NIPAL2: variants seen among roughly 807,000 people sequenced by gnomAD.
NIPAL2 encodes NIPA like domain containing 2, also known as NIPA-like protein 2.
A neutral mutation model predicts 48.9 loss-of-function variants in NIPAL2; 43 were observed. The ratio of observed to expected loss-of-function variants is 0.88; its 90% CI spans 0.69 to 1.13. The LOEUF (loss-of-function observed/expected upper bound fraction) is 1.13, where lower values mean the gene tolerates loss of function less well. Ranked by LOEUF, NIPAL2 falls within the 50% of genes most tolerant of loss-of-function variation. NIPAL2 has a pLI of 0.00. For synonymous variants in NIPAL2, 167 were observed against 174.6 expected (o/e 0.96, Z 0.34); for missense variants, 446 against 461.4 (o/e 0.97, Z 0.31).
At chr8:98,275,446 T>C (rs1175746707) in intron 1 of NIPAL2, among the ~76,000 whole-genome samples, 2 of 152,194 alleles carry the variant, frequency 1.3e-5, no homozygotes, top group African/African-American at 2.4e-5. Flanking sequence ...TTCCTTCTCA[T>C]TGCTGAGTAG....
chr8:98,247,491 A>G (rs575206014), intron 3 of NIPAL2, among the ~76,000 whole-genome samples: 2 of 152,282 alleles, frequency 1.3e-5, no homozygotes, highest in East Asian at 3.9e-4. Context: ...AAGTTTTGCA[A>G]TGCAGAGAGT....
chr8:98,280,736 CTA>C (rs71572005), intron 1 of NIPAL2, among the ~76,000 whole-genome samples: 667 of 39,010 alleles, frequency 0.017, 44 homozygotes, highest in African/African-American at 0.051. Flanking sequence ...TAGTCCATTA[CTA>C]TATATATATA....
At position 98,244,353 on chromosome 8, in the gene NIPAL2, CGTGGTGATGAGGGGTAGTCTGT is replaced by C. The variant is rs1813163750; in HGVS notation, c.376+8088_376+8109del. On this transcript the variant is annotated intron_variant, in intron 3 of 10. Coordinates refer to ENST00000430223, the MANE Select transcript of NIPAL2 (RefSeq NM_001321635.2). ...TAGTCTGTAATGATGAGAGGGTGGG[CGTGGTGATGAGGGGTAGTCTGT>C]AATGATGAGAGGGTGGGCGTGGTGA... 4.3e-4 allele frequency among the ~76,000 whole-genome samples: 10 copies of C among 23,388 alleles called. 1 individual carries two copies. The highest frequency in any genetic ancestry group is 1.6e-3 in the African/African-American group (10 of 6,190). 15.3% of individuals were successfully genotyped at this position (23,388 alleles called of 152,430 possible).
chr8:98,258,781 T>C (rs999275237), intron 1 of NIPAL2, among the ~76,000 whole-genome samples: 29 of 580 alleles, frequency 0.05, no homozygotes, highest in Non-Finnish European at 0.1. Flanking sequence ...CCACTTCCCT[T>C]TTTTTTTTGT....
At chr8:98,217,593 T>A (rs1330622046) in intron 5 of NIPAL2, among the ~76,000 whole-genome samples, 1 of 152,192 alleles carries the variant, frequency 6.6e-6, no homozygotes, top group Non-Finnish European at 1.5e-5. Flanking sequence ...GTTTAACAGA[T>A]TCAAACCAAA....
intron 8 of NIPAL2, among the ~76,000 whole-genome samples, chr8:98,202,488 G>T (rs1015504452): frequency 6.6e-6 from 1 of 152,140 alleles, no homozygotes; most frequent in Admixed American, 6.5e-5. Context: ...GATCCTTCAC[G>T]AATGGTTTGG....
chr8:98,278,541 A>T (rs561134887), intron 1 of NIPAL2, among the ~76,000 whole-genome samples: 1 of 152,068 alleles, frequency 6.6e-6, no homozygotes, highest in Non-Finnish European at 1.5e-5. Flanking sequence ...CTTCCAGTTT[A>T]CCTTTCCTGA....
chr8:98,203,846 C>CTGTGTGTGTGTGTGTG lies in NIPAL2; in HGVS notation c.792-666_792-651dup, dbSNP rs143170810. Among the ~76,000 whole-genome samples, 1,220 of 146,788 alleles carry CTGTGTGTGTGTGTGTG rather than the reference C, an allele frequency of 8.3e-3. 21 individuals are homozygous for CTGTGTGTGTGTGTGTG. The highest frequency in any genetic ancestry group is 0.029 in the African/African-American group (1,152 of 39,732). On this transcript the variant is annotated intron_variant, in intron 7 of 10. Transcript: ENST00000430223. ...GAAAAAAGTACTTTGTGGGTAGAGC[C>CTGTGTGTGTGTGTGTG]TGTGTGTGTGTGTGTGTGTGTGTGT...
chr8:98,229,525 A>C (rs1394596112), intron 4 of NIPAL2, among the ~76,000 whole-genome samples: 1 of 152,160 alleles, frequency 6.6e-6, no homozygotes, highest in Non-Finnish European at 1.5e-5. Flanking sequence ...GGCATGTGCC[A>C]CCATGACTGG....
intron 1 of NIPAL2, among the ~76,000 whole-genome samples, chr8:98,267,742 A>T (rs1814857592): frequency 6.6e-6 from 1 of 152,114 alleles, no homozygotes; most frequent in African/African-American, 2.4e-5. Context: ...CCATTTCCCC[A>T]TAAGCTTATG....
At chr8:98,215,804 G>C (rs540696523) in intron 5 of NIPAL2, among the ~76,000 whole-genome samples, 1 of 152,006 alleles carries the variant, frequency 6.6e-6, no homozygotes, top group South Asian at 2.1e-4. Flanking sequence ...CCTGGGCCTT[G>C]TACCTGTGAG....
chr8:98,258,253 T>C (rs1294401717), intron 1 of NIPAL2, among the ~76,000 whole-genome samples: 2 of 152,204 alleles, frequency 1.3e-5, no homozygotes, highest in African/African-American at 4.8e-5. Context: ...GGGGAGTTTG[T>C]GTTTAATGGG....
intron 7 of NIPAL2, among the ~76,000 whole-genome samples, chr8:98,204,891 G>C (rs73698716): frequency 6.6e-6 from 1 of 151,892 alleles, no homozygotes; most frequent in African/African-American, 2.4e-5. Context: ...TTAAGGCTGC[G>C]CTTTAGAACT....
intron 6 of NIPAL2, 44 bp downstream of exon 6, chr8:98,212,361 A>T (rs928121393): frequency 9.6e-7 from 1 of 1,041,166 alleles, no homozygotes; most frequent in Admixed American, 1.8e-5. Flanking sequence ...TTTATGACTC[A>T]GCACAGCTCA....
In NIPAL2 at chr8:98,193,425, G is replaced by C. The variant is rs200309381; in HGVS notation, c.1040-335C>G. On this transcript the variant is annotated intron_variant, in intron 10 of 10. Coordinates refer to ENST00000430223, the MANE Select transcript of NIPAL2 (RefSeq NM_001321635.2). Reference sequence around the variant, plus strand: ...TCTGGGGTTGTGTCTTCTTTTCCACGTCGAATGCATATAACAACATAGAAA... The same window carrying C: ...TCTGGGGTTGTGTCTTCTTTTCCACCTCGAATGCATATAACAACATAGAAA... 5 of 1,613,832 alleles carry C rather than the reference G, an allele frequency of 3.1e-6. No individual in the cohort carries two copies. The Admixed American group carries it at 8.3e-5, about 27-fold the overall frequency.
intron 4 of NIPAL2, among the ~76,000 whole-genome samples, chr8:98,230,530 G>A (rs1812392003): frequency 6.6e-6 from 1 of 152,178 alleles, no homozygotes; most frequent in Non-Finnish European, 1.5e-5. Context: ...AGGAGGATAT[G>A]GTTGTCATAT....
intron 10 of NIPAL2, among the ~76,000 whole-genome samples, chr8:98,193,695 C>T (rs983618672): frequency 1.3e-5 from 2 of 150,802 alleles, no homozygotes; most frequent in African/African-American, 4.9e-5. Context: ...GGTGCCTACT[C>T]GGGAGGCTGA....
chr8:98,233,351 T>TGC (rs960213006), intron 4 of NIPAL2, among the ~76,000 whole-genome samples: 4 of 152,024 alleles, frequency 2.6e-5, no homozygotes, highest in African/African-American at 7.2e-5. Flanking sequence ...TGTGTGTGTG[T>TGC]GTGTGTGTGT....
intron 9 of NIPAL2, among the ~76,000 whole-genome samples, chr8:98,195,463 A>C (rs1035941281): frequency 1.3e-5 from 2 of 152,156 alleles, no homozygotes; most frequent in African/African-American, 4.8e-5. Flanking sequence ...ATGCCCACCA[A>C]ATCTCTAGGG....
Sources: gnomAD v4.1 joint callset for allele counts (sites outside exome capture counted in the v4.1 genomes callset) on GRCh38, gnomAD v4.1.1 for gene constraint, MANE v1.5 for transcripts, NCBI Gene and HGNC (gene_info 2026-07-23, HGNC 2026-07-21) for gene names.